The following DCAF5 variants were observed in gnomAD, a reference collection of about 807,000 sequenced individuals.
DCAF5 encodes DDB1 and CUL4 associated factor 5.
DCAF5 carries 9 observed loss-of-function variants against 80.7 expected under a neutral mutation model. The ratio of observed to expected loss-of-function variants is 0.11; its 90% confidence interval spans 0.07 to 0.19. The LOEUF (loss-of-function observed/expected upper bound fraction) is 0.19, where lower values mean the gene tolerates loss of function less well. Ranked by LOEUF, DCAF5 falls within the 10% of genes least tolerant of loss-of-function variation. The pLI, the probability that DCAF5 is intolerant of heterozygous loss-of-function variation, is 1.00. For synonymous variants in DCAF5, 433 were observed against 461.9 expected, an observed-to-expected ratio of 0.94 and a Z score of 0.80; for missense variants, 842 against 1,205.7, an observed-to-expected ratio of 0.70 and a Z score of 4.47.
intron 1 of DCAF5, among the ~76,000 whole-genome samples, chr14:69,140,228 T>C (rs367556037): frequency 1.5e-4 from 22 of 150,584 alleles, no homozygotes; most frequent in Non-Finnish European, 2.4e-4. Context: ...GATAGCGCCA[T>C]TGCACTCCAG....
chr14:69,129,394 A>C (rs537283474), intron 1 of DCAF5, among the ~76,000 whole-genome samples: 36 of 152,330 alleles, frequency 2.4e-4, no homozygotes, highest in African/African-American at 7.7e-4. Context: ...GCAGAAAAAC[A>C]ACCAGTACAA....
At chr14:69,103,612 C>T (rs2040037834) in intron 5 of DCAF5, among the ~76,000 whole-genome samples, 1 of 152,202 alleles carries the variant, frequency 6.6e-6, no homozygotes, top group African/African-American at 2.4e-5. Context: ...ATCAGCTATA[C>T]ATGCATTCAT....
chr14:69,136,562 TG>T (rs1183954592), intron 1 of DCAF5, among the ~76,000 whole-genome samples: 1 of 152,216 alleles, frequency 6.6e-6, no homozygotes, highest in Non-Finnish European at 1.5e-5. Flanking sequence ...GAAAATATAC[TG>T]TTTTTACTAT....
At chr14:69,145,232 G>T (rs565280060) in intron 1 of DCAF5, among the ~76,000 whole-genome samples, 1 of 152,202 alleles carries the variant, frequency 6.6e-6, no homozygotes, top group African/African-American at 2.4e-5. Flanking sequence ...TAACCAGGCT[G>T]ATCTCAAACT....
In DCAF5 at chr14:69,051,323, GGC is replaced by G. The variant is rs1397735493; in HGVS notation, c.*2532_*2533del. 1 of 152,520 alleles carries G rather than the reference GGC, an allele frequency of 6.6e-6. No homozygotes were observed. The highest frequency in any genetic ancestry group is 1.9e-4 in the East Asian group (1 of 5,200). The allele number at this position is 152,520 out of a possible 1,614,324, so 9.4% of individuals were successfully genotyped here. On this transcript the variant is annotated 3_prime_UTR_variant, in exon 9 of 9. Transcript: ENST00000341516. The stretch of plus-strand genomic sequence containing the variant: ...GTATTAAATGTGCCATCAAAGTTGG[GGC>G]CTCAATTCTAAAAGAGTTTAGGCAA...
intron 1 of DCAF5, among the ~76,000 whole-genome samples, chr14:69,131,087 A>C (rs191801008): frequency 6.6e-6 from 1 of 152,296 alleles, no homozygotes; most frequent in African/African-American, 2.4e-5. Flanking sequence ...CTAATCTTTC[A>C]AACCTTGTTT....
At chr14:69,085,249 G>A (rs902134599) in intron 6 of DCAF5, 23 of 711,190 alleles carry the variant, frequency 3.2e-5, no homozygotes, top group East Asian at 3.0e-4. Flanking sequence ...TGATCTGAAC[G>A]TCAACAGCAA....
intron 1 of DCAF5, among the ~76,000 whole-genome samples, chr14:69,147,029 C>G (rs1210407906): frequency 2.0e-5 from 3 of 151,904 alleles, no homozygotes; most frequent in African/African-American, 7.3e-5. Flanking sequence ...AAACGACTTA[C>G]CTGCAGATAA....
rs150178608 is a variant in DCAF5 at position 69,109,299 on chromosome 14, G to A, written c.665+7067C>T. On this transcript the variant is annotated intron_variant, in intron 5 of 8. Transcript: ENST00000341516. ...GCAGAGCTTGCAGTGAGTTGAGATCGCGCCACTCTAGCCTGGGAGACAGAG... is the reference window on the plus strand; with the variant it reads ...GCAGAGCTTGCAGTGAGTTGAGATCACGCCACTCTAGCCTGGGAGACAGAG... 8.2e-4 allele frequency among the ~76,000 whole-genome samples: 123 copies of A among 150,454 alleles called. 1 individual carries two copies. The highest frequency in any genetic ancestry group is 2.8e-3 in the African/African-American group (116 of 40,832).
intron 6 of DCAF5, chr14:69,085,434 T>A: frequency 2.2e-6 from 1 of 464,658 alleles, no homozygotes. Context: ...CCTAAAATGA[T>A]TCTTTTCCTC....
At chr14:69,061,041 T>C (rs1193597994) in intron 8 of DCAF5, among the ~76,000 whole-genome samples, 2 of 152,110 alleles carry the variant, frequency 1.3e-5, no homozygotes, top group Non-Finnish European at 2.9e-5. Flanking sequence ...GGTCTCACTC[T>C]GTTGCCTAGG....
At chr14:69,111,957 G>C (rs989096387) in intron 5 of DCAF5, among the ~76,000 whole-genome samples, 1 of 152,182 alleles carries the variant, frequency 6.6e-6, no homozygotes, top group Admixed American at 6.5e-5. Flanking sequence ...GGATACACCT[G>C]TATTAAGACA....
In DCAF5 at chr14:69,054,895, G is replaced by A. The variant is rs1394464311; in HGVS notation, c.1791C>T (p.Asp597=). The part of the protein sequence containing the change: ...MRRRQKTTRE[D]KPSAPIKPTN... ...TGGGCTTGATTGGGGCACTGGGCTT[G>A]TCTTCTCGGGTTGTCTTCTGTCGGC... Residue 597 remains aspartate (D), a synonymous_variant, in exon 9 of 9, where the codon GAC becomes GAT. Transcript: ENST00000341516. 3.1e-6 allele frequency: 5 copies of A among 1,614,086 alleles called. No individual in the cohort carries two copies. The East Asian group carries it at 1.1e-4, about 36-fold the overall frequency.
intron 6 of DCAF5, chr14:69,089,594 T>C (rs1277001516): frequency 2.0e-5 from 3 of 152,324 alleles, no homozygotes; most frequent in Non-Finnish European, 2.9e-5. Flanking sequence ...ATATATAAAC[T>C]GAAAGACAGA....
intron 5 of DCAF5, among the ~76,000 whole-genome samples, chr14:69,109,070 G>A (rs1283623302): frequency 2.6e-5 from 4 of 152,002 alleles, no homozygotes; most frequent in Non-Finnish European, 5.9e-5. Flanking sequence ...GGCCAGGCGC[G>A]GTGGCTCACA....
intron 7 of DCAF5, among the ~76,000 whole-genome samples, chr14:69,073,776 A>C (rs2038793684): frequency 6.6e-6 from 1 of 152,242 alleles, no homozygotes; most frequent in South Asian, 2.1e-4. Flanking sequence ...GGGGAGAAGA[A>C]GGATTATCCA....
chr14:69,085,577 G>A (rs1183462720), intron 6 of DCAF5, among the ~76,000 whole-genome samples: 1 of 152,054 alleles, frequency 6.6e-6, no homozygotes, highest in African/African-American at 2.4e-5. Flanking sequence ...TATAAAACAG[G>A]CTTTAATTTT....
At chr14:69,146,946 C>T (rs1357469328) in intron 1 of DCAF5, among the ~76,000 whole-genome samples, 1 of 152,208 alleles carries the variant, frequency 6.6e-6, no homozygotes, top group African/African-American at 2.4e-5. Flanking sequence ...TAAGTAACTA[C>T]CGAACCAACA....
In DCAF5 at chr14:69,061,365, A is replaced by C. The variant is rs564225457; in HGVS notation, c.1074+1019T>G. 2.0e-5 allele frequency among the ~76,000 whole-genome samples: 3 copies of C among 152,290 alleles called. No homozygotes were observed. The East Asian group carries it at 5.8e-4, about 29-fold the overall frequency. ...TAAAAGTCATTATCTCAGGGACCTC[A>C]AGAATTAATCATTTACCGTGAATTC... On this transcript the variant is annotated intron_variant, in intron 8 of 8. Transcript: ENST00000341516.
Sources: gnomAD v4.1 joint callset for allele counts (sites outside exome capture counted in the v4.1 genomes callset) on GRCh38, gnomAD v4.1.1 for gene constraint, MANE v1.5 for transcripts, NCBI Gene and HGNC (gene_info 2026-07-23, HGNC 2026-07-21) for gene names.